The following TTC39C variants were observed in gnomAD, a reference collection of about 807,000 sequenced individuals.
TTC39C encodes the protein tetratricopeptide repeat domain 39C.
TTC39C carries 33 observed loss-of-function variants against 76.3 expected under a neutral mutation model. That is an observed-to-expected ratio of 0.43 (90% confidence interval 0.33 to 0.58). The LOEUF (loss-of-function observed/expected upper bound fraction) is 0.58, where lower values mean the gene tolerates loss of function less well. Among genes scored for constraint, TTC39C ranks in the 20% least tolerant of loss-of-function variants. The probability of loss-of-function intolerance (pLI) is 0.04; values close to 1 mark genes in which losing one functional copy is unlikely to be tolerated. For missense variants in TTC39C, 595 were observed against 701.4 expected, an observed-to-expected ratio of 0.85 and a Z score of 1.71; for synonymous variants, 254 against 260.6, an observed-to-expected ratio of 0.97 and a Z score of 0.24.
At chr18:24,093,250 C>T (rs895596249) in intron 6 of TTC39C, among the ~76,000 whole-genome samples, 48 of 152,216 alleles carry the variant, frequency 3.2e-4, no homozygotes, top group East Asian at 1.5e-3. Flanking sequence ...GAGGCCGAGG[C>T]GGGCAGATCA....
At chr18:24,112,698 G>A (rs1383914995) in intron 6 of TTC39C, among the ~76,000 whole-genome samples, 1 of 152,154 alleles carries the variant, frequency 6.6e-6, no homozygotes, top group Non-Finnish European at 1.5e-5. Context: ...ACACGGGGGG[G>A]AACAGCTCGG....
chr18:24,088,093 GA>G (rs2084468369), intron 6 of TTC39C, among the ~76,000 whole-genome samples: 1 of 152,196 alleles, frequency 6.6e-6, no homozygotes, highest in African/African-American at 2.4e-5. Flanking sequence ...TTCCAAAGAA[GA>G]AGTTGTAAAA....
At chr18:24,099,004 AAT>A (rs1491406013) in intron 6 of TTC39C, among the ~76,000 whole-genome samples, 1 of 46,334 alleles carries the variant, frequency 2.2e-5, no homozygotes, top group African/African-American at 8.1e-5. Flanking sequence ...AAGTTAGAGG[AAT>A]GTGTGTGTGT....
intron 1 of TTC39C, among the ~76,000 whole-genome samples, chr18:24,034,477 TGTG>T (rs927516480): frequency 6.6e-6 from 1 of 152,254 alleles, no homozygotes; most frequent in African/African-American, 2.4e-5. Context: ...TTTTTTCAAT[TGTG>T]GTAAAATATA....
chr18:24,070,299 CTT>C (rs948091381), intron 4 of TTC39C, among the ~76,000 whole-genome samples: 3 of 152,160 alleles, frequency 2.0e-5, no homozygotes, highest in African/African-American at 7.2e-5. Flanking sequence ...TTCAATAATT[CTT>C]TTTCTCCTTA....
chr18:24,125,721 G>A, intron 10 of TTC39C, 171 bp downstream of exon 10: 2 of 761,978 alleles, frequency 2.6e-6, no homozygotes, highest in Non-Finnish European at 4.1e-6. Context: ...CTGTCACTTA[G>A]GTGATGGGAG....
At chr18:24,117,795 T>G (rs2084915238) in intron 7 of TTC39C, among the ~76,000 whole-genome samples, 2 of 152,172 alleles carry the variant, frequency 1.3e-5, no homozygotes, top group Admixed American at 1.3e-4. Context: ...TGCACCTGTG[T>G]GTACTCTTGG....
At position 24,114,430 on chromosome 18, in the gene TTC39C, C is replaced by T. The variant is rs985311277; in HGVS notation, c.985-124C>T. On this transcript the variant is annotated intron_variant, in intron 6 of 13. Transcript: ENST00000317571. ...TATTTTCCTAGCAATCTTTAAACCACTGTCTTCTATATTGCTTAACCTGTT... is the reference window on the plus strand; with the variant it reads ...TATTTTCCTAGCAATCTTTAAACCATTGTCTTCTATATTGCTTAACCTGTT... The T allele has an allele frequency of 1.3e-5, 9 of 693,056 alleles. No individual in the cohort carries two copies. The African/African-American group carries it at 1.6e-4, about 13-fold the overall frequency. 42.9% of individuals were successfully genotyped at this position (693,056 alleles called of 1,614,324 possible).
intron 1 of TTC39C, among the ~76,000 whole-genome samples, chr18:24,028,435 A>G (rs1374861395): frequency 6.6e-6 from 1 of 152,224 alleles, no homozygotes; most frequent in East Asian, 1.9e-4. Context: ...TTGTAAAACA[A>G]AACAAAACTT....
chr18:24,069,392 G>A lies in TTC39C; in HGVS notation c.460+121G>A. On this transcript the variant is annotated intron_variant, in intron 4 of 13. Coordinates refer to ENST00000317571, the MANE Select transcript of TTC39C (RefSeq NM_001135993.2). The stretch of plus-strand genomic sequence containing the variant: ...CACATGTGGCACCTCTTTGGGGCAT[G>A]ATACTGATTTATTACTGGGGAAATT... 6.4e-6 allele frequency: 5 copies of A among 775,420 alleles called. No individual in the cohort carries two copies. The South Asian group carries it at 9.2e-5, about 14-fold the overall frequency. The allele number at this position is 775,420 out of a possible 1,614,324, so 48.0% of individuals were successfully genotyped here.
chr18:24,024,262 C>G (rs1241498374), intron 1 of TTC39C, among the ~76,000 whole-genome samples: 1 of 151,318 alleles, frequency 6.6e-6, no homozygotes, highest in East Asian at 1.9e-4. Flanking sequence ...CTGCCTGCCT[C>G]AGCCTCCCAA....
intron 8 of TTC39C, among the ~76,000 whole-genome samples, chr18:24,121,314 T>C (rs1478053610): frequency 6.6e-6 from 1 of 152,194 alleles, no homozygotes; most frequent in Non-Finnish European, 1.5e-5. Flanking sequence ...GGCTCACCCC[T>C]GTAATCCCAG....
chr18:24,112,312 TCA>T (rs1408009207), intron 6 of TTC39C, among the ~76,000 whole-genome samples: 3 of 152,206 alleles, frequency 2.0e-5, no homozygotes, highest in Admixed American at 2.0e-4. Flanking sequence ...CTTGACTTAA[TCA>T]CATCTGCATA....
chr18:24,029,974 G>A (rs2083647951), intron 1 of TTC39C, among the ~76,000 whole-genome samples: 1 of 152,200 alleles, frequency 6.6e-6, no homozygotes. Flanking sequence ...GCATGTACAT[G>A]TGTCTTTTTC....
intron 1 of TTC39C, among the ~76,000 whole-genome samples, chr18:24,044,702 T>C (rs774737439): frequency 6.6e-6 from 1 of 152,122 alleles, no homozygotes; most frequent in Non-Finnish European, 1.5e-5. Context: ...GACGTACCTG[T>C]GGGGAAAGGA....
intron 4 of TTC39C, among the ~76,000 whole-genome samples, chr18:24,071,494 ATC>A (rs2084241189): frequency 6.6e-6 from 1 of 152,232 alleles, no homozygotes; most frequent in Admixed American, 6.5e-5. Context: ...CTTAGAGAAA[ATC>A]TCTTTTTATT....
At chr18:23,994,902 T>A (rs1389908014) in intron 1 of TTC39C, among the ~76,000 whole-genome samples, 7 of 151,896 alleles carry the variant, frequency 4.6e-5, no homozygotes, top group African/African-American at 1.5e-4. Flanking sequence ...TTTCCTTTTT[T>A]TTAAAAAAAA....
chr18:23,998,504 G>A (rs1223726144), intron 1 of TTC39C, among the ~76,000 whole-genome samples: 9 of 152,114 alleles, frequency 5.9e-5, no homozygotes, highest in African/African-American at 1.9e-4. Flanking sequence ...CAGCTACTTG[G>A]GAGGTTGAGA....
chr18:24,013,118 T>C (rs1196656152), upstream of TTC39C: 1 of 152,204 alleles, frequency 6.6e-6, no homozygotes, highest in Non-Finnish European at 1.5e-5. Flanking sequence ...AACATTATGT[T>C]AAATCCAAGA....
Sources: allele counts gnomAD v4.1 joint callset (sites outside exome capture counted in the v4.1 genomes callset), GRCh38; gene constraint gnomAD v4.1.1; transcripts MANE v1.5; gene names NCBI Gene and HGNC (gene_info 2026-07-23, HGNC 2026-07-21).